Variants in PCNX2 observed in about 807,000 individuals in gnomAD.
PCNX2 encodes pecanex 2, also known as pecanex-like protein 2.
PCNX2 carries 168 observed loss-of-function variants against 223.8 expected under a neutral mutation model. That is an observed-to-expected ratio of 0.75 (90% CI 0.66 to 0.85). PCNX2 has a LOEUF of 0.85. Ranked by LOEUF, PCNX2 falls within the 40% of genes least tolerant of loss-of-function variation. The pLI is 0.00. For missense variants in PCNX2, 2,507 were observed against 2,675.5 expected, an observed-to-expected ratio of 0.94 and a Z score of 1.39; for synonymous variants, 1,006 against 1,052.6, an observed-to-expected ratio of 0.96 and a Z score of 0.86.
intron 19 of PCNX2, among the ~76,000 whole-genome samples, chr1:233,141,773 ATG>A (rs34145635): frequency 0.28 from 40,464 of 145,728 alleles, 6,079 homozygotes; most frequent in East Asian, 0.43. Flanking sequence ...GTATATGTAT[ATG>A]TGTGTGTGTG....
intron 25 of PCNX2, among the ~76,000 whole-genome samples, chr1:233,048,550 C>A (rs1400997994): frequency 6.6e-6 from 1 of 152,142 alleles, no homozygotes; most frequent in Non-Finnish European, 1.5e-5. Context: ...AAATGCCTAC[C>A]TCTAAAAGTT....
intron 25 of PCNX2, among the ~76,000 whole-genome samples, chr1:233,040,380 G>A (rs1057049440): frequency 2.0e-5 from 3 of 152,164 alleles, no homozygotes; most frequent in Non-Finnish European, 4.4e-5. Context: ...CTGCTTTACC[G>A]CATGCAGTTC....
intron 21 of PCNX2, among the ~76,000 whole-genome samples, chr1:233,111,965 T>C (rs1227649945): frequency 6.6e-6 from 1 of 152,244 alleles, no homozygotes; most frequent in Non-Finnish European, 1.5e-5. Flanking sequence ...GATTCTCATT[T>C]ACATGTCACA....
chr1:233,147,168 G>C (rs535530579), intron 19 of PCNX2, among the ~76,000 whole-genome samples: 1 of 152,134 alleles, frequency 6.6e-6, no homozygotes, highest in Non-Finnish European at 1.5e-5. Flanking sequence ...GGAGGTTAGA[G>C]ACACCAACGC....
chr1:233,151,965 G>A (rs1026554517), intron 19 of PCNX2, among the ~76,000 whole-genome samples: 1 of 152,228 alleles, frequency 6.6e-6, no homozygotes, highest in Non-Finnish European at 1.5e-5. Context: ...TGCAAGCAGA[G>A]GTAACTGATT....
Position 233,258,412 on chromosome 1 carries a change from A to C in PCNX2, c.1450T>G (p.Ser484Ala). The change falls in exon 5 of 34, where the codon TCT becomes GCT. Residue 484 changes from serine (S) to alanine (A), a missense_variant. This residue lies in a region of PCNX2 where 1,031 missense variants were observed against 1,021.7 expected (regional missense o/e 1.01). Transcript: ENST00000258229. Reference protein sequence around the residue: ...EGGNAIKDHSSSSREPWESVS... With the variant: ...EGGNAIKDHSASSREPWESVS... ...GATTCCCAGGGTTCCCGTGATGAAG[A>C]ACTGTGATCCTTGATGGCATTTCCC... 6.2e-7 allele frequency: 1 copy of C among 1,613,936 alleles called. No homozygotes were observed. Among genetic ancestry groups the C allele is most frequent in the Non-Finnish European group, 8.5e-7 (1 of 1,179,870 alleles).
chr1:233,263,445 C>T lies in PCNX2; in HGVS notation c.154-282G>A, dbSNP rs920228161. Among the ~76,000 whole-genome samples the T allele has an allele frequency of 5.5e-5, 8 of 145,730 alleles. 1 individual carries two copies. In the East Asian group the frequency reaches 1.4e-3, roughly 25 times the overall value. Reference sequence around the variant, plus strand: ...AGAACAAAAGATATATTCGAGGAAACCTCTCCATTTTTTTTTTTTTTTTTT... The same window carrying T: ...AGAACAAAAGATATATTCGAGGAAATCTCTCCATTTTTTTTTTTTTTTTTT... On this transcript the variant is annotated intron_variant, in intron 1 of 33. Transcript: ENST00000258229.
chr1:233,234,036 C>T (rs576360329), intron 9 of PCNX2, among the ~76,000 whole-genome samples: 30 of 152,106 alleles, frequency 2.0e-4, no homozygotes, highest in Admixed American at 3.9e-4. Context: ...TCCCACACCA[C>T]CAGAGCCTAT....
At chr1:233,219,205 G>A (rs1029141733) in intron 10 of PCNX2, among the ~76,000 whole-genome samples, 3 of 152,138 alleles carry the variant, frequency 2.0e-5, no homozygotes, top group Non-Finnish European at 4.4e-5. Context: ...GGATCATGTA[G>A]CCTAGGTAGA....
At chr1:233,145,383 T>C (rs1677381793) in intron 19 of PCNX2, among the ~76,000 whole-genome samples, 1 of 152,194 alleles carries the variant, frequency 6.6e-6, no homozygotes, top group Non-Finnish European at 1.5e-5. Flanking sequence ...GATTATTGTG[T>C]ATTGTGTAAG....
the PCNX2 span, among the ~76,000 whole-genome samples, chr1:233,324,440 T>A: frequency 6.6e-6 from 1 of 152,184 alleles, no homozygotes; most frequent in Non-Finnish European, 1.5e-5. Flanking sequence ...TGTTAAGGAC[T>A]AATGCAGCCA....
intron 13 of PCNX2, among the ~76,000 whole-genome samples, chr1:233,208,289 G>C (rs1478037064): frequency 6.6e-6 from 1 of 152,206 alleles, no homozygotes; most frequent in Non-Finnish European, 1.5e-5. Context: ...GGACATTATA[G>C]TGCTGCAACT....
chr1:233,244,687 G>GGCCACAGA (rs61246838), intron 8 of PCNX2, among the ~76,000 whole-genome samples: 12,489 of 152,018 alleles, frequency 0.082, 1,315 homozygotes, highest in African/African-American at 0.25. Flanking sequence ...CTCCAGCCTA[G>GGCCACAGA]GCCACAGAGC....
intron 17 of PCNX2, among the ~76,000 whole-genome samples, chr1:233,162,681 A>T (rs1450523779): frequency 1.3e-5 from 2 of 152,230 alleles, no homozygotes; most frequent in Non-Finnish European, 2.9e-5. Flanking sequence ...AAGAAAGACC[A>T]GACCTTTCTA....
intron 10 of PCNX2, among the ~76,000 whole-genome samples, chr1:233,218,442 G>A (rs1289458921): frequency 6.6e-6 from 1 of 151,724 alleles, no homozygotes; most frequent in East Asian, 1.9e-4. Flanking sequence ...AGTAGAGATG[G>A]GGTTTCACAA....
chr1:233,075,377 T>TCG (rs1673045934), intron 23 of PCNX2, among the ~76,000 whole-genome samples: 1 of 152,042 alleles, frequency 6.6e-6, no homozygotes, highest in Non-Finnish European at 1.5e-5. Context: ...AATGACAAAA[T>TCG]TATAAAGATG....
intron 28 of PCNX2, among the ~76,000 whole-genome samples, chr1:233,005,429 CCTCT>C (rs1558156950): frequency 1.3e-5 from 2 of 152,176 alleles, no homozygotes; most frequent in East Asian, 1.9e-4. Context: ...TCCACAGGAG[CCTCT>C]CTAAGAGGCT....
chr1:233,223,780 G>C (rs1404474955), intron 10 of PCNX2, among the ~76,000 whole-genome samples: 1 of 152,132 alleles, frequency 6.6e-6, no homozygotes, highest in African/African-American at 2.4e-5. Flanking sequence ...TTAAGGATGA[G>C]AGCTATAAGT....
In PCNX2 at chr1:233,262,945, T is replaced by C. The variant is rs759431158; in HGVS notation, c.359+13A>G. The C allele has an allele frequency of 8.7e-6, 14 of 1,608,960 alleles. No homozygotes were observed. The highest frequency in any genetic ancestry group is 1.1e-5 in the South Asian group (1 of 90,720). ...TTTACATTTTGAAGTGTCACATTAA[T>C]TGAAAATATTACCTTGGATTTCTGT... On this transcript the variant is annotated intron_variant, in intron 2 of 33. Coordinates refer to ENST00000258229, the MANE Select transcript of PCNX2 (RefSeq NM_014801.4).
Sources: allele counts gnomAD v4.1 joint callset (sites outside exome capture counted in the v4.1 genomes callset), GRCh38; gene constraint gnomAD v4.1.1; regional missense constraint gnomAD v4.1.1; transcripts MANE v1.5; gene names NCBI Gene and HGNC (gene_info 2026-07-23, HGNC 2026-07-21).